Variants in ITGA1 observed in about 807,000 individuals in gnomAD.
ITGA1 encodes integrin subunit alpha 1, also known as integrin alpha-1.
A neutral mutation model predicts 145.9 loss-of-function variants in ITGA1; 85 were observed. The observed-to-expected ratio is 0.58, with a 90% confidence interval of 0.49 to 0.70. The LOEUF (loss-of-function observed/expected upper bound fraction) is 0.70. Among genes scored for constraint, ITGA1 ranks in the 30% least tolerant of loss-of-function variants. The pLI, the probability that ITGA1 is intolerant of heterozygous loss-of-function variation, is 0.00. For missense variants in ITGA1, 1,351 were observed against 1,418.7 expected, an observed-to-expected ratio of 0.95 and a Z score of 0.77; for synonymous variants, 520 against 495.3, an observed-to-expected ratio of 1.05 and a Z score of -0.66.
chr5:52,956,197 T>C lies in ITGA1; in HGVS notation c.*3746T>C, dbSNP rs1751302870. 6.6e-6 allele frequency: 1 copy of C among 152,198 alleles called. No individual in the cohort carries two copies. The highest frequency in any genetic ancestry group is 2.4e-5 in the African/African-American group (1 of 41,454). 9.4% of individuals were successfully genotyped at this position (152,198 alleles called of 1,614,324 possible). On this transcript the variant is annotated 3_prime_UTR_variant, in exon 29 of 29. Transcript: ENST00000282588. ...GTGGCCCCACTGGCTCCATGGAGTG[T>C]GCCTTCACGCGGGGGAATGTCCTTG...
At chr5:52,911,916 T>A (rs1488528274) in intron 14 of ITGA1, among the ~76,000 whole-genome samples, 1 of 136,566 alleles carries the variant, frequency 7.3e-6, no homozygotes, top group African/African-American at 2.7e-5. Context: ...GATATATATA[T>A]TATATATATA....
At chr5:52,945,814 A>G (rs530596601) in intron 27 of ITGA1, among the ~76,000 whole-genome samples, 2 of 152,330 alleles carry the variant, frequency 1.3e-5, no homozygotes. Context: ...TTTTTCCAAT[A>G]TCAATGACTT....
chr5:52,847,641 C>T (rs925235739), intron 1 of ITGA1, among the ~76,000 whole-genome samples: 2 of 152,234 alleles, frequency 1.3e-5, no homozygotes, highest in East Asian at 1.9e-4. Context: ...CAACCTCTGT[C>T]TCCCAGGTTC....
chr5:52,904,365 A>C (rs1396730458), intron 11 of ITGA1: 2 of 152,212 alleles, frequency 1.3e-5, no homozygotes, highest in Non-Finnish European at 2.9e-5. Flanking sequence ...CACCGCACTG[A>C]AATGATGCTT....
At chr5:52,880,730 C>T (rs975900456) in intron 6 of ITGA1, among the ~76,000 whole-genome samples, 9 of 152,226 alleles carry the variant, frequency 5.9e-5, no homozygotes, top group Non-Finnish European at 1.3e-4. Flanking sequence ...AATTACCTCC[C>T]TTACCCAAGT....
At chr5:52,813,038 T>C (rs1748707572) in intron 1 of ITGA1, among the ~76,000 whole-genome samples, 1 of 152,104 alleles carries the variant, frequency 6.6e-6, no homozygotes, top group South Asian at 2.1e-4. Context: ...TTCTTTAAAT[T>C]TGATGAAAGA....
At chr5:52,908,069 G>C (rs187781513) in intron 12 of ITGA1, among the ~76,000 whole-genome samples, 189 of 152,266 alleles carry the variant, frequency 1.2e-3, no homozygotes, top group African/African-American at 3.3e-3. Flanking sequence ...ATGGAAAAAG[G>C]CTACAGGTCT....
chr5:52,795,294 C>G (rs1313678581), intron 1 of ITGA1, among the ~76,000 whole-genome samples: 1 of 151,814 alleles, frequency 6.6e-6, no homozygotes, highest in Non-Finnish European at 1.5e-5. Context: ...GTGGGAGAGG[C>G]TCCCAAGGTG....
intron 1 of ITGA1, among the ~76,000 whole-genome samples, chr5:52,795,290 G>C (rs1748319250): frequency 6.6e-6 from 1 of 151,906 alleles, no homozygotes; most frequent in Admixed American, 6.6e-5. Context: ...AATGGTGGGA[G>C]AGGCTCCCAA....
chr5:52,801,513 C>A lies in ITGA1; in HGVS notation c.61+13099C>A, dbSNP rs374974514. Reference sequence around the variant, plus strand: ...CTAAAGCTGCTGGGGAAGTCAAAGCCTTGGATGACTTCTATAAAATGTTAC... The same window carrying A: ...CTAAAGCTGCTGGGGAAGTCAAAGCATTGGATGACTTCTATAAAATGTTAC... On this transcript the variant is annotated intron_variant, in intron 1 of 28. Transcript: ENST00000282588. 1.9e-6 allele frequency: 3 copies of A among 1,613,930 alleles called. No individual in the cohort carries two copies. In the African/African-American group the frequency reaches 4.0e-5, roughly 22 times the overall value.
At chr5:52,838,111 A>G (rs1561223393) in intron 1 of ITGA1, among the ~76,000 whole-genome samples, 2 of 152,186 alleles carry the variant, frequency 1.3e-5, no homozygotes, top group Non-Finnish European at 2.9e-5. Context: ...TTTTTAGTTG[A>G]GCAGAGGAAC....
chr5:52,912,416 T>C lies in ITGA1; in HGVS notation c.1857+1997T>C, dbSNP rs111206645. Among the ~76,000 whole-genome samples the C allele has an allele frequency of 1.1e-3, 163 of 146,372 alleles. 2 individuals are homozygous for C. The highest frequency in any genetic ancestry group is 0.011 in the Middle Eastern group (2 of 180). On this transcript the variant is annotated intron_variant, in intron 14 of 28. Coordinates refer to ENST00000282588, the MANE Select transcript of ITGA1 (RefSeq NM_181501.2). Reference sequence around the variant, plus strand: ...TATCCAGTGTATGTATTATATATAGTGTATCCACTATAGGTATTATATATA... The same window carrying C: ...TATCCAGTGTATGTATTATATATAGCGTATCCACTATAGGTATTATATATA...
At chr5:52,788,453 G>A (rs1319524687) in intron 1 of ITGA1, 39 bp downstream of exon 1, 1 of 1,430,498 alleles carries the variant, frequency 7.0e-7, no homozygotes, top group Non-Finnish European at 9.2e-7. Flanking sequence ...TCCTGCTCGC[G>A]GGCTTGGGGC....
In ITGA1 at chr5:52,939,956, C is replaced by CA; in HGVS notation, c.3285+13dup. On this transcript the variant is annotated intron_variant, in intron 26 of 28. Transcript: ENST00000282588. Reference sequence around the variant, plus strand: ...CAACTTTTATAAAAGTAAGTAAATACATAGTTCTATGCACTTATTGAATAA... The same window carrying CA: ...CAACTTTTATAAAAGTAAGTAAATACAATAGTTCTATGCACTTATTGAATAA... 1 of 1,379,084 alleles carries CA rather than the reference C, an allele frequency of 7.3e-7. No homozygotes were observed. The highest frequency in any genetic ancestry group is 1.0e-6 in the Non-Finnish European group (1 of 966,088). 85.4% of individuals were successfully genotyped at this position (1,379,084 alleles called of 1,614,324 possible).
At chr5:52,813,704 A>G (rs6450087) in intron 1 of ITGA1, among the ~76,000 whole-genome samples, 39,953 of 152,080 alleles carry the variant, frequency 0.26, 5,535 homozygotes, top group Non-Finnish European at 0.3. Flanking sequence ...GAAAGGTCAC[A>G]TGCCCACATT....
At chr5:52,910,925 G>T (rs951257343) in intron 14 of ITGA1, among the ~76,000 whole-genome samples, 1 of 134,802 alleles carries the variant, frequency 7.4e-6, no homozygotes. Flanking sequence ...ACTATATATA[G>T]TATATATGGT....
At chr5:52,811,814 G>A (rs535181002) in intron 1 of ITGA1, among the ~76,000 whole-genome samples, 2 of 152,012 alleles carry the variant, frequency 1.3e-5, no homozygotes, top group Non-Finnish European at 2.9e-5. Context: ...AAAGAAATAG[G>A]CAATGAGAAA....
intron 1 of ITGA1, among the ~76,000 whole-genome samples, chr5:52,819,902 G>A (rs1453287184): frequency 3.3e-5 from 5 of 152,080 alleles, no homozygotes. Flanking sequence ...TATTAAATAG[G>A]GAATCCTTTC....
At chr5:52,791,488 C>T (rs1430016216) in intron 1 of ITGA1, among the ~76,000 whole-genome samples, 1 of 151,940 alleles carries the variant, frequency 6.6e-6, no homozygotes, top group South Asian at 2.1e-4. Context: ...ATAAATATAC[C>T]TCCTTTCCTC....
Sources: gnomAD v4.1 joint callset for allele counts (sites outside exome capture counted in the v4.1 genomes callset) on GRCh38, gnomAD v4.1.1 for gene constraint, MANE v1.5 for transcripts, NCBI Gene and HGNC (gene_info 2026-07-23, HGNC 2026-07-21) for gene names.